The following NVL variants were observed in gnomAD, a reference collection of about 807,000 sequenced individuals.
NVL encodes the protein nuclear VCP like.
Under a neutral mutation model 110.2 loss-of-function variants are expected in NVL, and 84 were observed. The observed-to-expected ratio is 0.76, with a 90% CI of 0.64 to 0.91. The LOEUF (loss-of-function observed/expected upper bound fraction) is 0.91. Among genes scored for constraint, NVL ranks in the 40% least tolerant of loss-of-function variants. The pLI, the probability that NVL is intolerant of heterozygous loss-of-function variation, is 0.00. For missense variants in NVL, 882 were observed against 1,035.9 expected (o/e 0.85, Z 2.04); for synonymous variants, 354 against 361.1 (o/e 0.98, Z 0.22).
At chr1:224,242,534 T>A (rs1179826229) in intron 19 of NVL, among the ~76,000 whole-genome samples, 1 of 142,456 alleles carries the variant, frequency 7.0e-6, no homozygotes, top group Non-Finnish European at 1.5e-5. Context: ...ATGCCCAGGC[T>A]GTGCAGTGGC....
At chr1:224,244,412 C>A (rs747881203) in intron 19 of NVL, among the ~76,000 whole-genome samples, 2 of 152,044 alleles carry the variant, frequency 1.3e-5, no homozygotes, top group Non-Finnish European at 2.9e-5. Flanking sequence ...AGTGATAGAC[C>A]TCTTATCACC....
chr1:224,284,935 T>C (rs1488527425), intron 15 of NVL, among the ~76,000 whole-genome samples: 1 of 152,160 alleles, frequency 6.6e-6, no homozygotes, highest in Non-Finnish European at 1.5e-5. Flanking sequence ...TGCATTCTAA[T>C]ATAATTATTA....
At chr1:224,283,559 GAGA>G (rs1666583952) in intron 15 of NVL, among the ~76,000 whole-genome samples, 1 of 152,162 alleles carries the variant, frequency 6.6e-6, no homozygotes, top group Non-Finnish European at 1.5e-5. Context: ...CAGTAGTGGG[GAGA>G]AGAAGAGGAG....
chr1:224,320,158 C>T (rs1000440637), intron 2 of NVL, among the ~76,000 whole-genome samples: 4 of 152,120 alleles, frequency 2.6e-5, no homozygotes, highest in African/African-American at 4.8e-5. Flanking sequence ...ATTATTGAGA[C>T]AGGCAAACTC....
At chr1:224,272,103 A>C (rs1244004011) in intron 17 of NVL, among the ~76,000 whole-genome samples, 2 of 152,024 alleles carry the variant, frequency 1.3e-5, no homozygotes, top group Non-Finnish European at 2.9e-5. Flanking sequence ...TGGAAGGCTG[A>C]GGCAGGTGGA....
At position 224,323,875 on chromosome 1, in the gene NVL, T is replaced by A. The variant is rs1214919832; in HGVS notation, c.131+2516A>T. ...TTGCCCTGCTTGGTTTTAGATTTGC[T>A]TGGGACCCATGACCCTTTCTTTTTT... On this transcript the variant is annotated intron_variant, in intron 2 of 22. Transcript: ENST00000281701. Among the ~76,000 whole-genome samples, 6 of 152,324 alleles carry A rather than the reference T, an allele frequency of 3.9e-5. No individual in the cohort carries two copies. In the South Asian group the frequency reaches 1.2e-3, roughly 32 times the overall value.
chr1:224,253,750 AAAAG>A (rs1558259549), intron 18 of NVL, among the ~76,000 whole-genome samples: 1 of 141,782 alleles, frequency 7.1e-6, no homozygotes, highest in South Asian at 2.2e-4. Flanking sequence ...AAAAAAAAAG[AAAAG>A]AAAAAAAGAA....
intron 5 of NVL, 83 bp downstream of exon 5, chr1:224,311,717 G>T: frequency 9.7e-7 from 1 of 1,026,350 alleles, no homozygotes; most frequent in Non-Finnish European, 1.5e-6. Context: ...ACCATGTCCA[G>T]CTAATACTGA....
At chr1:224,273,986 C>T (rs1277512801) in intron 17 of NVL, among the ~76,000 whole-genome samples, 3 of 149,714 alleles carry the variant, frequency 2.0e-5, no homozygotes, top group Admixed American at 6.7e-5. Flanking sequence ...TGAATGTTTT[C>T]GGAGATTTTT....
intron 16 of NVL, among the ~76,000 whole-genome samples, chr1:224,280,580 G>T (rs1666223278): frequency 6.6e-6 from 1 of 152,050 alleles, no homozygotes; most frequent in Non-Finnish European, 1.5e-5. Flanking sequence ...CAATAGGAAA[G>T]ATTTAAAAAT....
chr1:224,241,876 G>T (rs1158815001), intron 19 of NVL, among the ~76,000 whole-genome samples: 3 of 144,990 alleles, frequency 2.1e-5, no homozygotes, highest in African/African-American at 5.1e-5. Context: ...AAAATAAAAA[G>T]AAAAAGAAAA....
At chr1:224,269,324 A>T in intron 17 of NVL, among the ~76,000 whole-genome samples, 1 of 149,354 alleles carries the variant, frequency 6.7e-6, no homozygotes, top group East Asian at 2.0e-4. Context: ...GAGCTCAACC[A>T]ATCCTCCTGC....
In NVL at chr1:224,236,234, C is replaced by T. The variant is rs183329434; in HGVS notation, c.2366+272G>A. ...TCTTTTAAATGCTGACGCACCAGTA[C>T]AATTTGTAAAGGACAGCAGTGCTGG... is the stretch of plus-strand genomic sequence containing the variant. On this transcript the variant is annotated intron_variant, in intron 20 of 22. Transcript: ENST00000281701. Among the ~76,000 whole-genome samples, 3 of 152,264 alleles carry T rather than the reference C, an allele frequency of 2.0e-5. No individual in the cohort carries two copies. In the East Asian group the frequency reaches 5.8e-4, roughly 29 times the overall value.
rs9726371 is a variant in NVL at position 224,273,060 on chromosome 1, C to A, written c.2082+2279G>T. On this transcript the variant is annotated intron_variant, in intron 17 of 22. Transcript: ENST00000281701. ...AAAAAAAACAAAAAAAACAAACAAA[C>A]AAAAAAAAACACAACAAAAACACAA... Among the ~76,000 whole-genome samples the A allele has an allele frequency of 4.8e-3, 569 of 119,342 alleles. 7 individuals are homozygous for A. The highest frequency in any genetic ancestry group is 0.016 in the African/African-American group (472 of 28,968). 78.3% of individuals were successfully genotyped at this position (119,342 alleles called of 152,430 possible).
intron 16 of NVL, among the ~76,000 whole-genome samples, chr1:224,280,327 T>C (rs984996808): frequency 6.6e-6 from 1 of 152,114 alleles, no homozygotes; most frequent in African/African-American, 2.4e-5. Flanking sequence ...AAGCCTCTAT[T>C]AGCTCTCTGA....
chr1:224,259,093 A>AC (rs1663637430), intron 18 of NVL, among the ~76,000 whole-genome samples: 1 of 144,070 alleles, frequency 6.9e-6, no homozygotes, highest in Non-Finnish European at 1.5e-5. Flanking sequence ...GGTGATGAAC[A>AC]TTTTTTTTTT....
chr1:224,250,254 C>T lies in NVL; in HGVS notation c.2247G>A (p.Pro749=), dbSNP rs769904366. Residue 749 remains proline (P), a synonymous_variant, in exon 19 of 23, where the codon CCG becomes CCA. Coordinates refer to ENST00000281701, the MANE Select transcript of NVL (RefSeq NM_002533.4). ...RLDKTLFVGL[P]PPADRLAILK... is the part of the protein sequence containing the mutation. ...AGATGGCAAGGCGATCTGCAGGGGG[C>T]GGTAAACCCACAAACAGTGTTTTGT... The T allele has an allele frequency of 5.0e-6, 8 of 1,608,676 alleles. No homozygotes were observed. The highest frequency in any genetic ancestry group is 5.9e-6 in the Non-Finnish European group (7 of 1,177,814).
chr1:224,290,893 C>T (rs1176877653), intron 12 of NVL, among the ~76,000 whole-genome samples: 6 of 151,762 alleles, frequency 4.0e-5, no homozygotes, highest in South Asian at 2.1e-4. Context: ...TTGCTTGAAC[C>T]GGGAGGCAGA....
Position 224,269,743 on chromosome 1 carries a change from C to CTTT in NVL, c.2083-1613_2083-1611dup, listed in dbSNP as rs900280735. 3.3e-5 allele frequency: 5 copies of CTTT among 150,186 alleles called. No individual in the cohort carries two copies. In the South Asian group the frequency reaches 6.4e-4, roughly 19 times the overall value. 9.3% of individuals were successfully genotyped at this position (150,186 alleles called of 1,614,324 possible). A position where few individuals can be genotyped will look rare whatever the true frequency, so the allele number is the denominator to read the frequency against. ...GGTAATGGGCTTACCTCATTTCTTT[C>CTTT]TTTCTTTTTTCTTTTTTTTTTTGAG... On this transcript the variant is annotated intron_variant, in intron 17 of 22. Coordinates refer to ENST00000281701, the MANE Select transcript of NVL (RefSeq NM_002533.4).
Sources: gnomAD v4.1 joint callset for allele counts (sites outside exome capture counted in the v4.1 genomes callset) on GRCh38, gnomAD v4.1.1 for gene constraint, MANE v1.5 for transcripts, NCBI Gene and HGNC (gene_info 2026-07-23, HGNC 2026-07-21) for gene names.